The following MPP4 variants were observed in gnomAD, a reference collection of about 807,000 sequenced individuals.
The protein encoded by MPP4 is MAGUK p55 subfamily member 4.
In MPP4, 91 loss-of-function variants were observed where a neutral mutation model predicts 98.3. The observed-to-expected ratio is 0.93, with a 90% CI of 0.78 to 1.10. MPP4 has a LOEUF of 1.10. Ranked by LOEUF, MPP4 falls within the 50% of genes least tolerant of loss-of-function variation. MPP4 has a pLI of 0.00. For missense variants in MPP4, 744 were observed against 792.9 expected, an observed-to-expected ratio of 0.94 and a Z score of 0.74; for synonymous variants, 261 against 271.8, an observed-to-expected ratio of 0.96 and a Z score of 0.39.
rs138861090 is a variant in MPP4, at chr2:201,695,074, T to C, written c.-100-1020A>G. On this transcript the variant is annotated intron_variant, in intron 1 of 21. Coordinates refer to ENST00000409474, the MANE Select transcript of MPP4 (RefSeq NM_033066.3). ...GCTTAGCAGAGTAGTTTATATCTTG[T>C]TCGTGTGAAAGTTCAGAGACAGAGA... is the stretch of plus-strand genomic sequence containing the variant. Among the ~76,000 whole-genome samples the C allele has an allele frequency of 2.1e-4, 32 of 152,262 alleles. 1 individual carries two copies. Among genetic ancestry groups the C allele is most frequent in the Non-Finnish European group, 2.6e-4 (18 of 68,020 alleles).
intron 15 of MPP4, among the ~76,000 whole-genome samples, chr2:201,659,052 T>C (rs532952964): frequency 3.2e-4 from 49 of 152,116 alleles, no homozygotes; most frequent in Non-Finnish European, 4.1e-4. Flanking sequence ...CGCACCACCA[T>C]GCCCGGCTAA....
At position 201,694,007 on chromosome 2, in the gene MPP4, C is replaced by T; in HGVS notation, c.-53G>A. 6.2e-7 allele frequency: 1 copy of T among 1,613,612 alleles called. No individual in the cohort carries two copies. Among genetic ancestry groups the T allele is most frequent in the South Asian group, 1.1e-5 (1 of 91,074 alleles). On this transcript the variant is annotated 5_prime_UTR_variant, in exon 2 of 22. Transcript: ENST00000409474. ...TTCAGGACTAGGAAGCGGGTCAATA[C>T]ACGGCACACAGCTCACTCAGTCCCA...
Position 201,690,289 on chromosome 2 carries a change from G to C in MPP4, c.202-10C>G. The C allele has an allele frequency of 6.4e-7, 1 of 1,572,232 alleles. No homozygotes were observed. The highest frequency in any genetic ancestry group is 8.7e-7 in the Non-Finnish European group (1 of 1,148,700). On this transcript the variant is annotated splice_polypyrimidine_tract_variant and intron_variant, in intron 3 of 21. Transcript: ENST00000409474. ...GGAGGCAGTCATAAATCTGCAGAAG[G>C]ACAAGGGAGGGAGAATTGATATTGA... is the stretch of plus-strand genomic sequence containing the variant.
chr2:201,660,296 T>C (rs780053621), intron 15 of MPP4, 36 bp downstream of exon 15: 1 of 1,567,176 alleles, frequency 6.4e-7, no homozygotes, highest in Non-Finnish European at 8.8e-7. Context: ...TTAAACATAG[T>C]TCTATTTGGT....
At chr2:201,687,904 A>T (rs1688885572) in intron 4 of MPP4, among the ~76,000 whole-genome samples, 1 of 152,202 alleles carries the variant, frequency 6.6e-6, no homozygotes, top group Admixed American at 6.5e-5. Context: ...TGCTAAGCGG[A>T]AAAAAATTCT....
In MPP4 at chr2:201,645,107, G is replaced by A. The variant is rs369145589; in HGVS notation, c.*103C>T. 1.8e-4 allele frequency: 176 copies of A among 1,001,372 alleles called. No homozygotes were observed. The African/African-American group carries it at 2.5e-3, about 14-fold the overall frequency. The allele number at this position is 1,001,372 out of a possible 1,614,324, so 62.0% of individuals were successfully genotyped here. A position where few individuals can be genotyped will look rare whatever the true frequency, so the allele number is the denominator to read the frequency against. ...ATTAATAAATTGCTGCACTTTTAAA[G>A]TTGTACACATTAAAATGGGTCAAAT... On this transcript the variant is annotated 3_prime_UTR_variant, in exon 22 of 22. Transcript: ENST00000409474.
At chr2:201,696,955 C>A (rs1259617636) in intron 1 of MPP4, among the ~76,000 whole-genome samples, 2 of 152,092 alleles carry the variant, frequency 1.3e-5, no homozygotes, top group African/African-American at 4.8e-5. Flanking sequence ...GTGTCCCCAC[C>A]CCCAATTCAG....
Position 201,664,081 on chromosome 2 carries a change from C to A in MPP4, c.1072G>T (p.Glu358Ter), listed in dbSNP as rs767114695. Reference protein sequence around the residue: ...VEADEETFESEELSEDKEEFV... With the variant: ...VEADEETFES ...TACCAAATACTCATTTTTTACTTAC[C>A]AGATTCAAATGTTTCTTCATCTATG... Residue 358 changes from glutamate (E) to a stop codon, truncating the protein, a stop_gained and splice_region_variant, in exon 14 of 22, where the codon GAG becomes TAG. Coordinates refer to ENST00000409474, the MANE Select transcript of MPP4 (RefSeq NM_033066.3). LOFTEE classifies it high-confidence loss of function. The A allele has an allele frequency of 2.6e-6, 4 of 1,516,626 alleles. No homozygotes were observed. Among genetic ancestry groups the A allele is most frequent in the East Asian group, 4.8e-5 (2 of 41,586 alleles). The allele number at this position is 1,516,626 out of a possible 1,614,324, so 93.9% of individuals were successfully genotyped here.
intron 18 of MPP4, chr2:201,651,870 C>T: frequency 2.6e-6 from 1 of 381,550 alleles, no homozygotes; most frequent in Non-Finnish European, 3.6e-6. Flanking sequence ...AGGAGAATTG[C>T]TTGAACCCAG....
intron 14 of MPP4, among the ~76,000 whole-genome samples, chr2:201,660,902 A>G (rs1345971378): frequency 1.3e-5 from 2 of 152,130 alleles, no homozygotes; most frequent in Non-Finnish European, 2.9e-5. Flanking sequence ...TTTTCTAGAT[A>G]TCACAAAATA....
At chr2:201,694,163 C>A in intron 1 of MPP4, 109 bp from the exon 2 acceptor site, 1 of 1,048,216 alleles carries the variant, frequency 9.5e-7, no homozygotes, top group Non-Finnish European at 1.3e-6. Context: ...TACTCTTAAC[C>A]ATCACCAGTG....
At chr2:201,693,844 T>G (rs1377677318) in intron 2 of MPP4, 32 bp downstream of exon 2, 1 of 1,612,490 alleles carries the variant, frequency 6.2e-7, no homozygotes, top group Middle Eastern at 1.7e-4. Context: ...TATTACTTTC[T>G]GGTCTAGAAA....
At chr2:201,666,456 C>T (rs1442158149) in intron 12 of MPP4, 84 bp from the exon 13 acceptor site, 2 of 1,126,782 alleles carry the variant, frequency 1.8e-6, no homozygotes, top group African/African-American at 1.6e-5. Context: ...CATGGTGGCT[C>T]ATGCCTGTGA....
chr2:201,651,106 G>T (rs554138980), intron 18 of MPP4: 1 of 985,310 alleles, frequency 1.0e-6, no homozygotes, highest in Admixed American at 6.1e-5. Context: ...ATTACCATTA[G>T]TTCCCCTTAT....
intron 13 of MPP4, chr2:201,664,407 GTGGAAT>G: frequency 1.1e-6 from 1 of 913,816 alleles, no homozygotes; most frequent in Non-Finnish European, 1.6e-6. Context: ...GAAGGGGAAA[GTGGAAT>G]GTCAGGGAAA....
chr2:201,679,159 A>G (rs536023749), intron 10 of MPP4, among the ~76,000 whole-genome samples: 2 of 151,722 alleles, frequency 1.3e-5, no homozygotes, highest in African/African-American at 2.4e-5. Flanking sequence ...CTTCTCACCA[A>G]TCCTCACCTG....
intron 4 of MPP4, among the ~76,000 whole-genome samples, chr2:201,687,773 G>A (rs780095205): frequency 6.6e-6 from 1 of 152,128 alleles, no homozygotes; most frequent in Non-Finnish European, 1.5e-5. Flanking sequence ...GAACGTACCT[G>A]GGGAACTCAA....
chr2:201,681,684 C>T, intron 8 of MPP4, 117 bp from the exon 9 acceptor site: 1 of 760,992 alleles, frequency 1.3e-6, no homozygotes, highest in African/African-American at 1.7e-5. Context: ...CCCCCAAGAG[C>T]CTTTCACAAG....
At chr2:201,695,461 A>C (rs1293857553) in intron 1 of MPP4, among the ~76,000 whole-genome samples, 5 of 152,220 alleles carry the variant, frequency 3.3e-5, no homozygotes, top group Non-Finnish European at 5.9e-5. Flanking sequence ...ACTTTTCTTT[A>C]CATATAAACA....
Sources: gnomAD v4.1 joint callset for allele counts (sites outside exome capture counted in the v4.1 genomes callset) on GRCh38, gnomAD v4.1.1 for gene constraint, MANE v1.5 for transcripts, NCBI Gene and HGNC (gene_info 2026-07-23, HGNC 2026-07-21) for gene names.